Variants in MAPRE2 observed in about 807,000 individuals in gnomAD.
MAPRE2 encodes the protein microtubule-associated protein RP/EB family member 2.
MAPRE2 carries 13 observed loss-of-function variants against 43.2 expected under a neutral mutation model. The ratio of observed to expected loss-of-function variants is 0.30; its 90% CI spans 0.20 to 0.48. The LOEUF is 0.48. Ranked by LOEUF, MAPRE2 falls within the 20% of genes least tolerant of loss-of-function variation. The pLI is 0.99. For missense variants in MAPRE2, 161 were observed against 400.2 expected (o/e 0.40, Z 5.10); for synonymous variants, 135 against 148.8 (o/e 0.91, Z 0.68).
At chr18:35,012,229 G>T (rs1444147278) in intron 2 of MAPRE2, among the ~76,000 whole-genome samples, 1 of 152,094 alleles carries the variant, frequency 6.6e-6, no homozygotes, top group Admixed American at 6.5e-5. Flanking sequence ...AAAAGATATA[G>T]ATATAGATAT....
intron 2 of MAPRE2, among the ~76,000 whole-genome samples, chr18:35,072,164 A>G (rs985795989): frequency 6.6e-6 from 1 of 152,202 alleles, no homozygotes; most frequent in Non-Finnish European, 1.5e-5. Flanking sequence ...TTTATTTTTA[A>G]CTTGCTGCCA....
chr18:35,123,601 T>C (rs1318126356), intron 4 of MAPRE2, among the ~76,000 whole-genome samples: 2 of 152,134 alleles, frequency 1.3e-5, no homozygotes, highest in Non-Finnish European at 2.9e-5. Flanking sequence ...CTAAGTAATT[T>C]ACAGAAGGTA....
chr18:35,053,116 G>A (rs1388394301), intron 1 of MAPRE2, among the ~76,000 whole-genome samples: 1 of 151,782 alleles, frequency 6.6e-6, no homozygotes, highest in East Asian at 1.9e-4. Context: ...TATTTAGCCC[G>A]GGCACTGTGG....
chr18:35,051,633 G>A (rs943609330), intron 1 of MAPRE2, among the ~76,000 whole-genome samples: 4 of 152,170 alleles, frequency 2.6e-5, no homozygotes, highest in African/African-American at 9.6e-5. Flanking sequence ...TCCTCAAAGT[G>A]CACAGCCAGG....
chr18:35,122,813 C>A (rs1179454806), intron 4 of MAPRE2, among the ~76,000 whole-genome samples: 1 of 152,244 alleles, frequency 6.6e-6, no homozygotes, highest in African/African-American at 2.4e-5. Flanking sequence ...TGACCTTTGC[C>A]TGATTCGTGA....
chr18:35,110,056 C>G (rs1909109421), intron 4 of MAPRE2, among the ~76,000 whole-genome samples: 1 of 152,058 alleles, frequency 6.6e-6, no homozygotes, highest in Non-Finnish European at 1.5e-5. Context: ...TTCACACTAT[C>G]CTTTAAATTA....
In MAPRE2 at chr18:35,009,545, T is replaced by G. The variant is rs1603389600; in HGVS notation, c.-8+3992T>G. ...GCACAGCCTTCATCATCAGTTATTGTGTCAGAATCTGTGGGAACATCTGCT... is the reference window on the plus strand; with the variant it reads ...GCACAGCCTTCATCATCAGTTATTGGGTCAGAATCTGTGGGAACATCTGCT... On this transcript the variant is annotated intron_variant, in intron 2 of 7. Coordinates refer to the MAPRE2 transcript ENST00000413393. Among the ~76,000 whole-genome samples the G allele has an allele frequency of 1.3e-5, 2 of 152,334 alleles. 1 individual carries two copies.
intron 1 of MAPRE2, among the ~76,000 whole-genome samples, chr18:34,994,305 A>T (rs533472229): frequency 6.6e-6 from 1 of 152,324 alleles, no homozygotes; most frequent in East Asian, 1.9e-4. Context: ...CGTAATCTGT[A>T]CAACAATCTT....
upstream of MAPRE2, among the ~76,000 whole-genome samples, chr18:35,038,765 T>C (rs886861008): frequency 5.9e-5 from 9 of 152,202 alleles, no homozygotes; most frequent in Admixed American, 1.3e-4. Flanking sequence ...AGGAGAGGAA[T>C]GAAAACACAT....
intron 1 of MAPRE2, among the ~76,000 whole-genome samples, chr18:35,065,781 G>A (rs543858771): frequency 3.9e-5 from 6 of 152,122 alleles, no homozygotes; most frequent in Admixed American, 6.6e-5. Flanking sequence ...CTCGAACTCC[G>A]GACCTCAGGT....
At chr18:35,128,403 T>C (rs1910000643) in intron 5 of MAPRE2, among the ~76,000 whole-genome samples, 1 of 152,130 alleles carries the variant, frequency 6.6e-6, no homozygotes, top group Non-Finnish European at 1.5e-5. Context: ...CTAAAGTTAG[T>C]CCTCCCATAT....
At chr18:35,023,405 G>A (rs559004233) in intron 2 of MAPRE2, among the ~76,000 whole-genome samples, 7 of 151,924 alleles carry the variant, frequency 4.6e-5, no homozygotes, top group African/African-American at 1.4e-4. Flanking sequence ...CCAGCTACTC[G>A]GGTGGCTGAG....
rs150141634 is a variant in MAPRE2, at chr18:34,983,783, C to A, written c.-70+6704C>A. Among the ~76,000 whole-genome samples, 34 of 152,294 alleles carry A rather than the reference C, an allele frequency of 2.2e-4. No individual in the cohort carries two copies. In the East Asian group the frequency reaches 6.4e-3, roughly 29 times the overall value. On this transcript the variant is annotated intron_variant, in intron 1 of 7. Coordinates refer to the MAPRE2 transcript ENST00000413393. ...TAGCTGGGATTACAGGCACATGCCA[C>A]CATATCCGGCTAATTTTTATGTTTT...
intron 1 of MAPRE2, among the ~76,000 whole-genome samples, chr18:34,998,248 C>T (rs2097027484): frequency 6.6e-6 from 1 of 151,646 alleles, no homozygotes; most frequent in African/African-American, 2.4e-5. Context: ...AAACAGGAAA[C>T]TTATGGACGG....
intron 4 of MAPRE2, among the ~76,000 whole-genome samples, chr18:35,110,268 C>G (rs948744645): frequency 6.6e-6 from 1 of 152,042 alleles, no homozygotes; most frequent in African/African-American, 2.4e-5. Flanking sequence ...GTATAAAATG[C>G]GTGCTGAATT....
At chr18:35,084,477 G>C (rs1396186984) in intron 2 of MAPRE2, among the ~76,000 whole-genome samples, 1 of 152,160 alleles carries the variant, frequency 6.6e-6, no homozygotes, top group Non-Finnish European at 1.5e-5. Flanking sequence ...CACATGATTT[G>C]ACAAGGCCTT....
intron 1 of MAPRE2, among the ~76,000 whole-genome samples, chr18:35,066,250 G>A (rs578225688): frequency 6.6e-6 from 1 of 152,316 alleles, no homozygotes; most frequent in Non-Finnish European, 1.5e-5. Context: ...TAGCAGTCGT[G>A]AATTGAAGTT....
At chr18:35,029,910 C>T (rs1009543346) in intron 2 of MAPRE2, among the ~76,000 whole-genome samples, 5 of 152,168 alleles carry the variant, frequency 3.3e-5, no homozygotes, top group Non-Finnish European at 5.9e-5. Flanking sequence ...ACAGTCTTGG[C>T]ATAGTGAAAA....
chr18:35,067,424 T>A (rs1259592330), intron 1 of MAPRE2, among the ~76,000 whole-genome samples: 1 of 152,204 alleles, frequency 6.6e-6, no homozygotes, highest in Non-Finnish European at 1.5e-5. Context: ...TATGGATTTT[T>A]AAAAAGCTGT....
Sources: gnomAD v4.1 joint callset for allele counts (sites outside exome capture counted in the v4.1 genomes callset) on GRCh38, gnomAD v4.1.1 for gene constraint, MANE v1.5 for transcripts, NCBI Gene and HGNC (gene_info 2026-07-23, HGNC 2026-07-21) for gene names.